NYAP2: variants seen among roughly 807,000 people sequenced by gnomAD.
The protein encoded by NYAP2 is neuronal tyrosine-phosphorylated phosphoinositide-3-kinase adaptor 2, also known as neuronal tyrosine-phosphorylated phosphoinositide-3-kinase adapter 2.
In NYAP2, 23 loss-of-function variants were observed where a neutral mutation model predicts 50.4. That is an observed-to-expected ratio of 0.46 (90% CI 0.33 to 0.65). NYAP2 has a LOEUF of 0.65. Ranked by LOEUF, NYAP2 falls within the 30% of genes least tolerant of loss-of-function variation. The pLI is 0.02. For synonymous variants in NYAP2, 394 were observed against 365.2 expected (o/e 1.08, Z -0.90); for missense variants, 885 against 861.0 (o/e 1.03, Z -0.35).
At chr2:225,407,076 G>A (rs923439760) in intron 2 of NYAP2, among the ~76,000 whole-genome samples, 3 of 151,980 alleles carry the variant, frequency 2.0e-5, no homozygotes, top group South Asian at 2.1e-4. Context: ...CTTAACTTGG[G>A]TAGAATTAAT....
At chr2:225,640,184 C>G (rs1166691355) in intron 6 of NYAP2, among the ~76,000 whole-genome samples, 3 of 152,158 alleles carry the variant, frequency 2.0e-5, no homozygotes, top group South Asian at 4.1e-4. Context: ...CCCCAAATAA[C>G]CTGCCTTATA....
At chr2:225,558,266 C>T (rs1282924470) in intron 4 of NYAP2, among the ~76,000 whole-genome samples, 1 of 152,136 alleles carries the variant, frequency 6.6e-6, no homozygotes, top group African/African-American at 2.4e-5. Flanking sequence ...TGGCTGAAAA[C>T]AATACTTGTA....
intron 5 of NYAP2, among the ~76,000 whole-genome samples, chr2:225,590,799 C>A (rs923327360): frequency 6.6e-6 from 1 of 152,154 alleles, no homozygotes; most frequent in Admixed American, 6.5e-5. Flanking sequence ...AAAGAGATAA[C>A]AATTTCACTA....
intron 3 of NYAP2, among the ~76,000 whole-genome samples, chr2:225,510,256 A>G (rs990036397): frequency 1.3e-5 from 2 of 152,158 alleles, no homozygotes; most frequent in African/African-American, 4.8e-5. Flanking sequence ...CTCATTCGTG[A>G]TATTTTGCTT....
chr2:225,498,501 G>T (rs1690545813), intron 3 of NYAP2, among the ~76,000 whole-genome samples: 1 of 152,082 alleles, frequency 6.6e-6, no homozygotes, highest in Non-Finnish European at 1.5e-5. Flanking sequence ...AGAGGAACTG[G>T]ACTCTTATTT....
chr2:225,613,717 G>A (rs963414763), intron 5 of NYAP2, among the ~76,000 whole-genome samples: 2 of 151,982 alleles, frequency 1.3e-5, no homozygotes, highest in Non-Finnish European at 2.9e-5. Flanking sequence ...GTAACTAGAA[G>A]ACATTAACTT....
At chr2:225,589,638 C>T (rs955886755) in intron 5 of NYAP2, among the ~76,000 whole-genome samples, 8 of 150,110 alleles carry the variant, frequency 5.3e-5, no homozygotes, top group Admixed American at 2.7e-4. Flanking sequence ...GAGTTTGCAG[C>T]GAACTATAAT....
intron 4 of NYAP2, among the ~76,000 whole-genome samples, chr2:225,563,524 C>G (rs1441465056): frequency 6.6e-6 from 1 of 152,048 alleles, no homozygotes; most frequent in Admixed American, 6.6e-5. Flanking sequence ...GCTATGTGTA[C>G]TGTAATAACT....
At position 225,643,905 on chromosome 2, in the gene NYAP2, C is replaced by T. The variant is rs1205026076; in HGVS notation, c.1829-7527C>T. Among the ~76,000 whole-genome samples the T allele has an allele frequency of 1.9e-4, 29 of 150,566 alleles. No homozygotes were observed. In the South Asian group the frequency reaches 2.5e-3, roughly 13 times the overall value. On this transcript the variant is annotated intron_variant, in intron 6 of 6. Coordinates refer to ENST00000636099, the Ensembl canonical transcript of NYAP2. ...TGTGAATAGTGCCACAATAAACATACGTGTGCATGTGTCTTTATAGCAGCA... is the reference window on the plus strand; with the variant it reads ...TGTGAATAGTGCCACAATAAACATATGTGTGCATGTGTCTTTATAGCAGCA...
chr2:225,610,700 A>C (rs1692866878), intron 5 of NYAP2, among the ~76,000 whole-genome samples: 1 of 152,200 alleles, frequency 6.6e-6, no homozygotes, highest in African/African-American at 2.4e-5. Flanking sequence ...AGTAGGCCAT[A>C]CATTCATAGT....
rs988822178 is a variant in NYAP2 at position 225,590,393 on chromosome 2, T to G, written c.1618+7358T>G. Among the ~76,000 whole-genome samples the G allele has an allele frequency of 2.6e-5, 4 of 152,142 alleles. No individual in the cohort carries two copies. The East Asian group carries it at 7.7e-4, about 29-fold the overall frequency. Reference sequence around the variant, plus strand: ...CATGGTAGGCAAGAGGTAGAAAGCTTAGGTGAGTGGTCCAAATGCCTGCAT... The same window carrying G: ...CATGGTAGGCAAGAGGTAGAAAGCTGAGGTGAGTGGTCCAAATGCCTGCAT... On this transcript the variant is annotated intron_variant, in intron 5 of 6. Coordinates refer to ENST00000636099, the Ensembl canonical transcript of NYAP2.
chr2:225,676,158 T>C, the NYAP2 span, among the ~76,000 whole-genome samples: 1 of 152,150 alleles, frequency 6.6e-6, no homozygotes, highest in Non-Finnish European at 1.5e-5. Flanking sequence ...TTAGTTTAAC[T>C]AGGCCCCACA....
At chr2:225,415,562 G>A (rs1695109443) in intron 3 of NYAP2, among the ~76,000 whole-genome samples, 1 of 152,056 alleles carries the variant, frequency 6.6e-6, no homozygotes, top group Non-Finnish European at 1.5e-5. Flanking sequence ...TAGACTTTGT[G>A]GAAATAGCAT....
At chr2:225,445,422 A>T (rs1394701731) in intron 3 of NYAP2, among the ~76,000 whole-genome samples, 1 of 151,976 alleles carries the variant, frequency 6.6e-6, no homozygotes, top group Admixed American at 6.5e-5. Flanking sequence ...AATATTTCTG[A>T]TGCTTAATTT....
chr2:225,569,048 G>A (rs1692017066), intron 4 of NYAP2, among the ~76,000 whole-genome samples: 2 of 152,284 alleles, frequency 1.3e-5, no homozygotes, highest in South Asian at 4.1e-4. Context: ...TCTTCATAGG[G>A]GAAGGGGAAA....
At chr2:225,551,258 G>GGGAAATT (rs758113766) in intron 4 of NYAP2, among the ~76,000 whole-genome samples, 5 of 152,190 alleles carry the variant, frequency 3.3e-5, no homozygotes, top group Admixed American at 6.5e-5. Flanking sequence ...CTTGGCCAAT[G>GGGAAATT]GGAAATTAGC....
intron 6 of NYAP2, among the ~76,000 whole-genome samples, chr2:225,647,599 G>C (rs376492696): frequency 1.3e-5 from 2 of 152,272 alleles, no homozygotes; most frequent in African/African-American, 4.8e-5. Flanking sequence ...CAGGTTCTTT[G>C]TTACATCATT....
At chr2:225,558,893 T>G (rs1691820832) in intron 4 of NYAP2, among the ~76,000 whole-genome samples, 1 of 152,122 alleles carries the variant, frequency 6.6e-6, no homozygotes, top group South Asian at 2.1e-4. Context: ...ACAACTTGGC[T>G]TTTGACAAAG....
At chr2:225,684,898 C>A in the NYAP2 span, among the ~76,000 whole-genome samples, 1 of 152,084 alleles carries the variant, frequency 6.6e-6, no homozygotes, top group African/African-American at 2.4e-5. Context: ...GTGATATGTT[C>A]CACAGTTTGG....
Sources: allele counts gnomAD v4.1 joint callset (sites outside exome capture counted in the v4.1 genomes callset), GRCh38; gene constraint gnomAD v4.1.1; transcripts MANE v1.5; gene names NCBI Gene and HGNC (gene_info 2026-07-23, HGNC 2026-07-21).